Variants in CALN1 observed in about 807,000 individuals in gnomAD.
CALN1 encodes calcium-binding protein 8.
In CALN1, 17 loss-of-function variants were observed where a neutral mutation model predicts 30.6. That is an observed-to-expected ratio of 0.56 (90% CI 0.38 to 0.83). The LOEUF (loss-of-function observed/expected upper bound fraction) is 0.83, where lower values mean the gene tolerates loss of function less well. Among genes scored for constraint, CALN1 ranks in the 40% least tolerant of loss-of-function variants. The pLI is 0.00. For missense variants in CALN1, 291 were observed against 354.9 expected, an observed-to-expected ratio of 0.82 and a Z score of 1.45; for synonymous variants, 156 against 131.4, an observed-to-expected ratio of 1.19 and a Z score of -1.28.
chr7:72,127,747 G>C (rs1270159439), intron 3 of CALN1, among the ~76,000 whole-genome samples: 1 of 152,176 alleles, frequency 6.6e-6, no homozygotes, highest in African/African-American at 2.4e-5. Context: ...GGCAACATTT[G>C]CCGTGTGCTA....
At chr7:71,883,924 C>CCTTT (rs199754693) in intron 5 of CALN1, among the ~76,000 whole-genome samples, 1 of 152,056 alleles carries the variant, frequency 6.6e-6, no homozygotes, top group African/African-American at 2.4e-5. Flanking sequence ...TTCCTTCCTT[C>CCTTT]CTTTCTTTCT....
chr7:71,904,542 T>A (rs191685559), intron 5 of CALN1, among the ~76,000 whole-genome samples: 89 of 151,934 alleles, frequency 5.9e-4, no homozygotes, highest in African/African-American at 2.0e-3. Flanking sequence ...GAGACTGGGG[T>A]GGGTAGTGGG....
At chr7:72,336,941 G>T (rs569219328) in intron 2 of CALN1, 1 of 985,008 alleles carries the variant, frequency 1.0e-6, no homozygotes, top group East Asian at 1.1e-4. Context: ...GGACCTGCAC[G>T]AGCCCCCTCG....
rs1191694424 is a variant in CALN1 at position 71,787,742 on chromosome 7, G to T, written c.*33C>A. The stretch of plus-strand genomic sequence containing the variant: ...CCCGCACGGCATGCACATGCGCGGT[G>T]AGCTGCAACACAGTGTGGCTGGCGG... On this transcript the variant is annotated 3_prime_UTR_variant, in exon 7 of 7. Transcript: ENST00000395275. 1 of 1,611,380 alleles carries T rather than the reference G, an allele frequency of 6.2e-7. No individual in the cohort carries two copies.
intron 3 of CALN1, among the ~76,000 whole-genome samples, chr7:72,106,571 AAG>A (rs1475181340): frequency 6.8e-6 from 1 of 147,996 alleles, no homozygotes; most frequent in African/African-American, 2.5e-5. Context: ...GAGAGAGAAA[AAG>A]AGGAAGGTGG....
rs150983286 is a variant in CALN1, at chr7:72,221,926, A to G, written c.244+56760T>C. Among the ~76,000 whole-genome samples, 212 of 151,820 alleles carry G rather than the reference A, an allele frequency of 1.4e-3. 1 individual carries two copies. The highest frequency in any genetic ancestry group is 4.8e-3 in the African/African-American group (200 of 41,438). Reference sequence around the variant, plus strand: ...AGAAATACCTGAGACTGGGTAACCTATAAAGAAAAGAGTTTTAGGCCAGGT... The same window carrying G: ...AGAAATACCTGAGACTGGGTAACCTGTAAAGAAAAGAGTTTTAGGCCAGGT... On this transcript the variant is annotated intron_variant, in intron 3 of 6. Transcript: ENST00000395275.
the CALN1 span, among the ~76,000 whole-genome samples, chr7:72,454,234 G>A: frequency 3.0e-4 from 46 of 152,238 alleles, no homozygotes; most frequent in African/African-American, 1.0e-3. Flanking sequence ...AAGAATAGAG[G>A]AGCCCCAGGC....
intron 2 of CALN1, among the ~76,000 whole-genome samples, chr7:72,401,314 A>G (rs1174492100): frequency 2.0e-5 from 3 of 151,170 alleles, no homozygotes; most frequent in Non-Finnish European, 4.4e-5. Flanking sequence ...TCCCCTCCAC[A>G]TCCAACTCCC....
chr7:71,921,029 A>G (rs533882169), intron 5 of CALN1, among the ~76,000 whole-genome samples: 10 of 152,336 alleles, frequency 6.6e-5, no homozygotes, highest in Non-Finnish European at 1.5e-4. Flanking sequence ...GCAGCCATAA[A>G]AAAGGATGCG....
At chr7:71,817,635 C>T (rs758797951) in intron 5 of CALN1, among the ~76,000 whole-genome samples, 8 of 152,186 alleles carry the variant, frequency 5.3e-5, no homozygotes, top group Non-Finnish European at 1.2e-4. Flanking sequence ...TCTGCCTCAG[C>T]CTCCCGAGTA....
intron 3 of CALN1, among the ~76,000 whole-genome samples, chr7:72,128,478 T>C (rs548316507): frequency 6.6e-6 from 1 of 152,278 alleles, no homozygotes; most frequent in South Asian, 2.1e-4. Flanking sequence ...TCATAATTCC[T>C]ATTACAAAAA....
intron 5 of CALN1, among the ~76,000 whole-genome samples, chr7:71,831,631 A>C (rs1264580038): frequency 6.6e-6 from 1 of 152,070 alleles, no homozygotes; most frequent in Non-Finnish European, 1.5e-5. Context: ...CGCATCTATA[A>C]GCCCAGCACT....
intron 5 of CALN1, among the ~76,000 whole-genome samples, chr7:71,881,586 T>A (rs1377797069): frequency 2.0e-5 from 3 of 152,134 alleles, no homozygotes; most frequent in Non-Finnish European, 4.4e-5. Flanking sequence ...GGATCACAGT[T>A]GTCCTTTGCT....
At chr7:72,051,012 A>ATAAG (rs1277309283) in intron 4 of CALN1, among the ~76,000 whole-genome samples, 1 of 150,254 alleles carries the variant, frequency 6.7e-6, no homozygotes, top group African/African-American at 2.4e-5. Flanking sequence ...AAATAAATAA[A>ATAAG]TAAATAAATA....
chr7:72,013,725 T>C lies in CALN1; in HGVS notation c.501+9932A>G, dbSNP rs1380118263. 4.6e-5 allele frequency among the ~76,000 whole-genome samples: 7 copies of C among 152,270 alleles called. No individual in the cohort carries two copies. The East Asian group carries it at 1.3e-3, about 29-fold the overall frequency. On this transcript the variant is annotated intron_variant, in intron 5 of 6. Transcript: ENST00000395275. ...ATGGATGCATAATAGATTAATATAATGGGCATAATAGATGTAGGATGGTAA... is the reference window on the plus strand; with the variant it reads ...ATGGATGCATAATAGATTAATATAACGGGCATAATAGATGTAGGATGGTAA...
chr7:71,975,282 AAAAC>A (rs1369973167), intron 5 of CALN1, among the ~76,000 whole-genome samples: 1 of 152,180 alleles, frequency 6.6e-6, no homozygotes, highest in Non-Finnish European at 1.5e-5. Flanking sequence ...TCAGTCATAA[AAAAC>A]AATAAAGTTT....
At chr7:72,462,863 A>G in the CALN1 span, among the ~76,000 whole-genome samples, 19,641 of 152,036 alleles carry the variant, frequency 0.13, 2,594 homozygotes, top group African/African-American at 0.34. Context: ...AGACCACACC[A>G]CCTCCACCAG....
chr7:71,888,271 T>A (rs1793030114), intron 5 of CALN1, among the ~76,000 whole-genome samples: 1 of 152,016 alleles, frequency 6.6e-6, no homozygotes. Context: ...ACCAACGGGC[T>A]GCTAATGGGC....
intron 3 of CALN1, among the ~76,000 whole-genome samples, chr7:72,258,215 C>G (rs1010306276): frequency 2.0e-5 from 3 of 152,158 alleles, no homozygotes; most frequent in African/African-American, 7.2e-5. Context: ...GGAATTTGCT[C>G]CTTCACCGGC....
Sources: gnomAD v4.1 joint callset for allele counts (sites outside exome capture counted in the v4.1 genomes callset) on GRCh38, gnomAD v4.1.1 for gene constraint, MANE v1.5 for transcripts, NCBI Gene and HGNC (gene_info 2026-07-23, HGNC 2026-07-21) for gene names.